The following SOX5 variants were observed in gnomAD, a reference collection of about 807,000 sequenced individuals.
The protein encoded by SOX5 is transcription factor SOX-5.
A neutral mutation model predicts 92.0 loss-of-function variants in SOX5; 9 were observed. The ratio of observed to expected loss-of-function variants is 0.10; its 90% CI spans 0.06 to 0.17. SOX5 has a LOEUF of 0.17. Ranked by LOEUF, SOX5 falls within the 10% of genes least tolerant of loss-of-function variation. The probability of loss-of-function intolerance (pLI) is 1.00; values close to 1 mark genes in which losing one functional copy is unlikely to be tolerated. For synonymous variants in SOX5, 344 were observed against 336.3 expected (o/e 1.02, Z -0.25); for missense variants, 642 against 944.5 (o/e 0.68, Z 4.20).
chr12:24,213,538 A>C (rs1427344748), intron 3 of SOX5: 1 of 151,778 alleles, frequency 6.6e-6, no homozygotes. Context: ...AATGATAAAG[A>C]TAGTTAAATG....
intron 1 of SOX5, among the ~76,000 whole-genome samples, chr12:24,384,329 G>C (rs1290543006): frequency 1.3e-5 from 2 of 152,122 alleles, no homozygotes; most frequent in Non-Finnish European, 2.9e-5. Flanking sequence ...GGTAATGCTG[G>C]CTCACCTGCT....
At chr12:24,406,119 G>A (rs917410792) in intron 1 of SOX5, among the ~76,000 whole-genome samples, 1 of 152,080 alleles carries the variant, frequency 6.6e-6, no homozygotes, top group Non-Finnish European at 1.5e-5. Context: ...AGCCTCTCCC[G>A]CCCATGAAGG....
intron 2 of SOX5, among the ~76,000 whole-genome samples, chr12:23,880,454 GA>G (rs1346149725): frequency 1.3e-5 from 2 of 151,824 alleles, no homozygotes; most frequent in African/African-American, 2.4e-5. Flanking sequence ...TAACATAGGA[GA>G]AAAAAAATTC....
intron 6 of SOX5, among the ~76,000 whole-genome samples, chr12:23,698,888 C>T (rs2418138): frequency 0.33 from 49,966 of 151,936 alleles, 9,101 homozygotes; most frequent in Admixed American, 0.44. Context: ...AATACTCTTC[C>T]TGAAGATACA....
chr12:24,164,084 G>A (rs939832447), intron 4 of SOX5, among the ~76,000 whole-genome samples: 8 of 151,904 alleles, frequency 5.3e-5, no homozygotes, highest in African/African-American at 9.7e-5. Context: ...TCTACTTATG[G>A]TCTCAGAGAA....
intron 4 of SOX5, among the ~76,000 whole-genome samples, chr12:24,172,094 CGT>C (rs903986489): frequency 2.3e-4 from 28 of 123,804 alleles, no homozygotes; most frequent in Non-Finnish European, 3.7e-4. Flanking sequence ...TGTGTGTGTG[CGT>C]GCGCGCGTGT....
intron 3 of SOX5, among the ~76,000 whole-genome samples, chr12:23,827,787 T>C (rs1313536426): frequency 2.0e-5 from 3 of 152,090 alleles, no homozygotes; most frequent in African/African-American, 4.8e-5. Flanking sequence ...AGAAAAGCAA[T>C]AGCTTTTTTT....
intron 2 of SOX5, among the ~76,000 whole-genome samples, chr12:24,366,314 G>T (rs1379156036): frequency 6.6e-6 from 1 of 152,128 alleles, no homozygotes; most frequent in Admixed American, 6.6e-5. Flanking sequence ...TTACAAAGGT[G>T]ATTCTGCTCT....
chr12:24,036,052 A>T (rs1445014701), intron 4 of SOX5, among the ~76,000 whole-genome samples: 2 of 152,062 alleles, frequency 1.3e-5, no homozygotes, highest in African/African-American at 4.8e-5. Flanking sequence ...ACACGCAGAA[A>T]ATTCTTATAA....
intron 7 of SOX5, among the ~76,000 whole-genome samples, chr12:23,654,419 T>C (rs2082062416): frequency 6.6e-6 from 1 of 152,110 alleles, no homozygotes; most frequent in South Asian, 2.1e-4. Context: ...TATGATTTCA[T>C]TAAAGCACCT....
chr12:23,759,669 G>A (rs971541459), intron 3 of SOX5, among the ~76,000 whole-genome samples: 5 of 152,046 alleles, frequency 3.3e-5, no homozygotes, highest in Non-Finnish European at 7.4e-5. Flanking sequence ...GTTTCAAAAT[G>A]TAAAGGACCA....
intron 1 of SOX5, among the ~76,000 whole-genome samples, chr12:24,467,822 A>G (rs1280614454): frequency 6.6e-6 from 1 of 152,212 alleles, no homozygotes; most frequent in Admixed American, 6.5e-5. Flanking sequence ...GACCTAGTGT[A>G]TAACGTTCAG....
intron 1 of SOX5, among the ~76,000 whole-genome samples, chr12:24,482,012 A>C (rs1946048873): frequency 6.6e-6 from 1 of 152,252 alleles, no homozygotes; most frequent in African/African-American, 2.4e-5. Flanking sequence ...TGTAGGAGAA[A>C]AGACTTTAAG....
chr12:24,468,309 G>C (rs1944436173), intron 1 of SOX5, among the ~76,000 whole-genome samples: 1 of 152,220 alleles, frequency 6.6e-6, no homozygotes, highest in African/African-American at 2.4e-5. Flanking sequence ...CTGGGTATCT[G>C]CTTCCTTATC....
intron 4 of SOX5, among the ~76,000 whole-genome samples, chr12:23,991,201 A>C (rs1950522497): frequency 1.3e-5 from 2 of 151,918 alleles, no homozygotes; most frequent in Non-Finnish European, 2.9e-5. Flanking sequence ...AAAAAAAAAA[A>C]AAACTTTAAA....
At chr12:24,129,466 G>A (rs1949435512) in intron 4 of SOX5, among the ~76,000 whole-genome samples, 1 of 152,070 alleles carries the variant, frequency 6.6e-6, no homozygotes, top group Admixed American at 6.6e-5. Context: ...GAGTACACGT[G>A]GTCCATGCCT....
chr12:24,256,718 CCT>C (rs1374990239), intron 3 of SOX5, among the ~76,000 whole-genome samples: 3 of 152,196 alleles, frequency 2.0e-5, no homozygotes, highest in South Asian at 2.1e-4. Context: ...TAGTTTCTCC[CCT>C]GTCAGCATGA....
chr12:23,848,087 CCTT>C (rs1228254579), intron 2 of SOX5, among the ~76,000 whole-genome samples: 1 of 152,112 alleles, frequency 6.6e-6, no homozygotes, highest in Non-Finnish European at 1.5e-5. Flanking sequence ...AGAAGATCTT[CCTT>C]CTTATTTCTT....
At chr12:23,857,735 C>CTT (rs36116499) in intron 2 of SOX5, among the ~76,000 whole-genome samples, 49 of 140,668 alleles carry the variant, frequency 3.5e-4, no homozygotes, top group East Asian at 3.3e-3. Context: ...TTTTTTCTTT[C>CTT]TTTTTTTTTT....
Sources: gnomAD v4.1 joint callset for allele counts (sites outside exome capture counted in the v4.1 genomes callset) on GRCh38, gnomAD v4.1.1 for gene constraint, MANE v1.5 for transcripts, NCBI Gene and HGNC (gene_info 2026-07-23, HGNC 2026-07-21) for gene names.